Variants in CPNE4 observed in about 807,000 individuals in gnomAD.
The protein encoded by CPNE4 is copine-4.
A neutral mutation model predicts 67.9 loss-of-function variants in CPNE4; 25 were observed. The ratio of observed to expected loss-of-function variants is 0.37; its 90% CI spans 0.27 to 0.51. CPNE4 has a LOEUF of 0.51. Ranked by LOEUF, CPNE4 falls within the 20% of genes least tolerant of loss-of-function variation. The probability of loss-of-function intolerance (pLI) is 0.93; values close to 1 mark genes in which losing one functional copy is unlikely to be tolerated. For missense variants in CPNE4, 464 were observed against 690.8 expected, an observed-to-expected ratio of 0.67 and a Z score of 3.68; for synonymous variants, 242 against 244.9, an observed-to-expected ratio of 0.99 and a Z score of 0.11.
chr3:131,939,808 C>G (rs1427988815), intron 1 of CPNE4, among the ~76,000 whole-genome samples: 1 of 152,092 alleles, frequency 6.6e-6, no homozygotes, highest in African/African-American at 2.4e-5. Flanking sequence ...TATTCTGATT[C>G]AAGCTGGCAG....
intron 3 of CPNE4, among the ~76,000 whole-genome samples, chr3:131,717,949 T>C (rs1355131513): frequency 1.3e-5 from 2 of 150,292 alleles, no homozygotes; most frequent in Non-Finnish European, 3.0e-5. Flanking sequence ...TTTCTTTTCT[T>C]TCTTTCTCTC....
chr3:131,891,523 G>T (rs1481225882), intron 2 of CPNE4, among the ~76,000 whole-genome samples: 1 of 151,728 alleles, frequency 6.6e-6, no homozygotes, highest in African/African-American at 2.4e-5. Flanking sequence ...CATCACCCAG[G>T]TATTAAGCCT....
chr3:131,815,587 T>C (rs1300645886), intron 2 of CPNE4, among the ~76,000 whole-genome samples: 1 of 152,156 alleles, frequency 6.6e-6, no homozygotes. Context: ...TATATATATA[T>C]GTAAGTAAGT....
At chr3:131,897,029 G>T (rs905343820) in intron 2 of CPNE4, among the ~76,000 whole-genome samples, 2 of 152,004 alleles carry the variant, frequency 1.3e-5, no homozygotes, top group Non-Finnish European at 2.9e-5. Context: ...TCAATACCAC[G>T]TACTCCAGAT....
chr3:131,806,155 A>T (rs1362356862), intron 2 of CPNE4, among the ~76,000 whole-genome samples: 2 of 152,386 alleles, frequency 1.3e-5, no homozygotes, highest in Non-Finnish European at 2.9e-5. Flanking sequence ...CTGGGAAGTT[A>T]AGGAGAACGT....
chr3:131,958,603 T>TCTTTC (rs1560681069), intron 1 of CPNE4, among the ~76,000 whole-genome samples: 2 of 76,932 alleles, frequency 2.6e-5, no homozygotes, highest in African/African-American at 7.7e-5. Context: ...CACCTTTCTT[T>TCTTTC]CTTTTCTTTT....
At chr3:131,866,510 C>A (rs1335702171) in intron 2 of CPNE4, among the ~76,000 whole-genome samples, 1 of 152,222 alleles carries the variant, frequency 6.6e-6, no homozygotes, top group Non-Finnish European at 1.5e-5. Context: ...CAGGTTTGCT[C>A]AGGCTTGTTT....
chr3:131,734,198 C>A (rs2082186399), intron 2 of CPNE4, among the ~76,000 whole-genome samples: 1 of 152,216 alleles, frequency 6.6e-6, no homozygotes, highest in Admixed American at 6.5e-5. Context: ...GAGCCCTTCA[C>A]CCTATGCCCA....
rs535589859 is a variant in CPNE4 at position 131,990,018 on chromosome 3, T to C, written c.-2+44549A>G. ...CTATGGGCATAATGAAAATAATGGA[T>C]TATTGTGAATTTGTAGCCAAAGCCC... On this transcript the variant is annotated intron_variant, in intron 1 of 15. Coordinates refer to ENST00000429747, the MANE Select transcript of CPNE4 (RefSeq NM_130808.3). Among the ~76,000 whole-genome samples, 2 of 136,358 alleles carry C rather than the reference T, an allele frequency of 1.5e-5. 1 individual carries two copies. Among genetic ancestry groups the C allele is most frequent in the South Asian group, 5.1e-4 (2 of 3,938 alleles). The allele number at this position is 136,358 out of a possible 152,430, so 89.5% of individuals were successfully genotyped here.
chr3:131,995,604 A>C (rs112848024), intron 1 of CPNE4, among the ~76,000 whole-genome samples: 296 of 152,324 alleles, frequency 1.9e-3, no homozygotes, highest in African/African-American at 6.8e-3. Flanking sequence ...GTACTTGGAA[A>C]GCCTGAAAGC....
chr3:131,809,167 C>T (rs553744949), intron 2 of CPNE4, among the ~76,000 whole-genome samples: 2 of 151,984 alleles, frequency 1.3e-5, no homozygotes, highest in Non-Finnish European at 2.9e-5. Context: ...CCTGGTGGGT[C>T]CAATGTAATC....
intron 7 of CPNE4, among the ~76,000 whole-genome samples, chr3:131,646,729 C>T (rs2079676128): frequency 6.6e-6 from 1 of 151,970 alleles, no homozygotes; most frequent in Admixed American, 6.6e-5. Context: ...TACTATATAG[C>T]CACAAAAAAT....
At chr3:131,851,248 G>A (rs1012309685) in intron 2 of CPNE4, among the ~76,000 whole-genome samples, 6 of 151,924 alleles carry the variant, frequency 3.9e-5, no homozygotes, top group Admixed American at 1.3e-4. Context: ...ATGTTTGAAG[G>A]TTTAAAAATG....
chr3:132,038,393 C>CT (rs1560828564), upstream of CPNE4, among the ~76,000 whole-genome samples: 3 of 151,624 alleles, frequency 2.0e-5, no homozygotes, highest in African/African-American at 7.3e-5. Flanking sequence ...TGGGTAACAA[C>CT]CTGTGCTACG....
At chr3:131,717,876 T>TTCTTTC (rs1553758858) in intron 3 of CPNE4, among the ~76,000 whole-genome samples, 3,803 of 24,174 alleles carry the variant, frequency 0.16, 333 homozygotes, top group African/African-American at 0.24. Flanking sequence ...TTTCTTTCTT[T>TTCTTTC]TCTTTCTTTC....
intron 1 of CPNE4, among the ~76,000 whole-genome samples, chr3:132,029,070 A>C (rs891312832): frequency 6.6e-6 from 1 of 152,164 alleles, no homozygotes; most frequent in Non-Finnish European, 1.5e-5. Flanking sequence ...TCCAGATCCT[A>C]ATACTCGGGT....
At chr3:131,655,519 C>G (rs978559389) in intron 7 of CPNE4, among the ~76,000 whole-genome samples, 27 of 152,204 alleles carry the variant, frequency 1.8e-4, no homozygotes, top group African/African-American at 6.5e-4. Flanking sequence ...CCTGACAAGT[C>G]CATTTAGTGA....
At chr3:131,562,679 T>C (rs945451895) in intron 11 of CPNE4, among the ~76,000 whole-genome samples, 8 of 151,996 alleles carry the variant, frequency 5.3e-5, no homozygotes, top group Non-Finnish European at 1.0e-4. Context: ...TTTGGAGAAG[T>C]TTCCAATGTA....
chr3:131,758,960 C>T (rs1021306049), intron 2 of CPNE4, among the ~76,000 whole-genome samples: 1 of 152,130 alleles, frequency 6.6e-6, no homozygotes, highest in Non-Finnish European at 1.5e-5. Context: ...CCAATTGAAC[C>T]TCTTTTTCTT....
Sources: allele counts gnomAD v4.1 joint callset (sites outside exome capture counted in the v4.1 genomes callset), GRCh38; gene constraint gnomAD v4.1.1; transcripts MANE v1.5; gene names NCBI Gene and HGNC (gene_info 2026-07-23, HGNC 2026-07-21).